Variants in DPP10 observed in about 807,000 individuals in gnomAD.
DPP10 encodes dipeptidyl peptidase like 10.
A neutral mutation model predicts 120.9 loss-of-function variants in DPP10; 33 were observed. The observed-to-expected ratio is 0.27, with a 90% confidence interval of 0.21 to 0.37. The LOEUF is 0.37. Among genes scored for constraint, DPP10 ranks in the 10% least tolerant of loss-of-function variants. DPP10 has a pLI of 1.00. For missense variants in DPP10, 816 were observed against 942.8 expected (o/e 0.87, Z 1.76); for synonymous variants, 337 against 326.1 (o/e 1.03, Z -0.36).
At chr2:114,711,798 T>C (rs945538626) in intron 1 of DPP10, among the ~76,000 whole-genome samples, 3 of 152,158 alleles carry the variant, frequency 2.0e-5, no homozygotes, top group Non-Finnish European at 4.4e-5. Context: ...GGTCATAAAA[T>C]GAAGCTAGCA....
chr2:115,695,740 A>G (rs111748874), intron 7 of DPP10, among the ~76,000 whole-genome samples: 1,880 of 152,292 alleles, frequency 0.012, 46 homozygotes, highest in African/African-American at 0.043. Context: ...TTAGATTCAA[A>G]TTGTCTGGTT....
At chr2:115,689,348 G>T (rs1162446051) in intron 5 of DPP10, among the ~76,000 whole-genome samples, 1 of 152,128 alleles carries the variant, frequency 6.6e-6, no homozygotes, top group Non-Finnish European at 1.5e-5. Flanking sequence ...AGAAAAACAT[G>T]TAAAAGCCAA....
At chr2:115,167,159 G>C (rs913176892) in intron 1 of DPP10, among the ~76,000 whole-genome samples, 1 of 151,856 alleles carries the variant, frequency 6.6e-6, no homozygotes, top group Non-Finnish European at 1.5e-5. Flanking sequence ...TTGTTCTAAC[G>C]GTTAAATGAA....
intron 1 of DPP10, among the ~76,000 whole-genome samples, chr2:115,295,002 CTTAAT>C (rs1423151431): frequency 7.9e-5 from 12 of 152,172 alleles, no homozygotes; most frequent in African/African-American, 2.9e-4. Flanking sequence ...AAGGAAAACT[CTTAAT>C]TTATATTTAA....
rs187173418 is a variant in DPP10 at position 114,805,227 on chromosome 2, A to T, written c.60+362389A>T. On this transcript the variant is annotated intron_variant, in intron 1 of 25. Transcript: ENST00000410059. ...AACCTCATTTTCTTCCCAGTCTCAG[A>T]TATGTCTTTATTGGCAGCATTAAAA... Among the ~76,000 whole-genome samples the T allele has an allele frequency of 1.1e-3, 168 of 152,270 alleles. 2 individuals are homozygous for T. Among genetic ancestry groups the T allele is most frequent in the African/African-American group, 3.9e-3 (164 of 41,552 alleles).
intron 1 of DPP10, among the ~76,000 whole-genome samples, chr2:115,194,557 A>G (rs12616715): frequency 0.092 from 13,957 of 152,172 alleles, 714 homozygotes; most frequent in East Asian, 0.17. Context: ...AAGCTAGGAC[A>G]GGGGCAGTTA....
At chr2:115,668,001 A>T (rs1349782147) in intron 5 of DPP10, among the ~76,000 whole-genome samples, 1 of 152,038 alleles carries the variant, frequency 6.6e-6, no homozygotes, top group Non-Finnish European at 1.5e-5. Flanking sequence ...GTCATATATA[A>T]GCTTAGTTCT....
intron 1 of DPP10, among the ~76,000 whole-genome samples, chr2:115,191,682 C>A (rs372101227): frequency 9.9e-5 from 15 of 152,084 alleles, no homozygotes; most frequent in African/African-American, 3.4e-4. Flanking sequence ...TGGGTCCATC[C>A]TTTTTCTGGT....
At chr2:115,783,793 T>G (rs982878563) in intron 17 of DPP10, among the ~76,000 whole-genome samples, 2 of 152,124 alleles carry the variant, frequency 1.3e-5, no homozygotes, top group African/African-American at 4.8e-5. Flanking sequence ...GAACTATCAG[T>G]GTATAAAATA....
intron 5 of DPP10, among the ~76,000 whole-genome samples, chr2:115,604,744 T>C (rs1042197768): frequency 6.6e-6 from 1 of 152,126 alleles, no homozygotes; most frequent in Admixed American, 6.6e-5. Flanking sequence ...CAGTATAGCC[T>C]TGCATACTTT....
At chr2:115,278,206 C>A (rs927131755) in intron 1 of DPP10, among the ~76,000 whole-genome samples, 1 of 152,176 alleles carries the variant, frequency 6.6e-6, no homozygotes, top group Non-Finnish European at 1.5e-5. Flanking sequence ...TCAGTGCAAT[C>A]ATGCATATGC....
chr2:115,246,555 C>A (rs957141214), intron 1 of DPP10, among the ~76,000 whole-genome samples: 7 of 151,944 alleles, frequency 4.6e-5, no homozygotes, highest in Non-Finnish European at 1.0e-4. Flanking sequence ...GAGAAATGTC[C>A]ACTAGTTGAG....
intron 5 of DPP10, among the ~76,000 whole-genome samples, chr2:115,537,200 A>G (rs1385582976): frequency 6.6e-6 from 1 of 152,072 alleles, no homozygotes; most frequent in Non-Finnish European, 1.5e-5. Context: ...TGGTACCTAT[A>G]TATACTTGTA....
chr2:115,380,179 G>A (rs1189478322), intron 3 of DPP10, among the ~76,000 whole-genome samples: 5 of 152,082 alleles, frequency 3.3e-5, no homozygotes, highest in Non-Finnish European at 7.4e-5. Context: ...ATTAATGTGT[G>A]GGAGTCTAAG....
At chr2:115,414,541 T>C (rs2104610919) in intron 3 of DPP10, among the ~76,000 whole-genome samples, 1 of 152,280 alleles carries the variant, frequency 6.6e-6, no homozygotes, top group Middle Eastern at 3.4e-3. Flanking sequence ...ATTTCTACAG[T>C]GTATATTTTT....
chr2:115,059,815 G>C (rs1388643462), intron 1 of DPP10, among the ~76,000 whole-genome samples: 2 of 151,214 alleles, frequency 1.3e-5, no homozygotes, highest in African/African-American at 4.9e-5. Context: ...AGTTCTACTG[G>C]AGACGTTTTC....
chr2:115,842,206 C>T lies in DPP10; in HGVS notation c.2257-5C>T, dbSNP rs747706225. On this transcript the variant is annotated splice_polypyrimidine_tract_variant and splice_region_variant and intron_variant, in intron 25 of 25. Coordinates refer to ENST00000410059, the MANE Select transcript of DPP10 (RefSeq NM_020868.6). ...TTGAAATCTTCTTTCTCCTCAATAT[C>T]TTAGGTCTACCCAGATGAAGGTCAT... 1.1e-5 allele frequency: 17 copies of T among 1,589,228 alleles called. No individual in the cohort carries two copies. Among genetic ancestry groups the T allele is most frequent in the Non-Finnish European group, 1.4e-5 (16 of 1,163,034 alleles).
At chr2:114,749,548 C>CTTTTATTTTA (rs374862583) in intron 1 of DPP10, among the ~76,000 whole-genome samples, 15,533 of 125,488 alleles carry the variant, frequency 0.12, 1,249 homozygotes, top group African/African-American at 0.16. Context: ...TCTAGCACTG[C>CTTTTATTTTA]TTTTATTTTA....
At chr2:115,258,187 A>G (rs1192412225) in intron 1 of DPP10, among the ~76,000 whole-genome samples, 2 of 152,334 alleles carry the variant, frequency 1.3e-5, no homozygotes, top group Non-Finnish European at 2.9e-5. Context: ...GTTATACTTT[A>G]TATGCCTGAA....
Sources: gnomAD v4.1 joint callset for allele counts (sites outside exome capture counted in the v4.1 genomes callset) on GRCh38, gnomAD v4.1.1 for gene constraint, MANE v1.5 for transcripts, NCBI Gene and HGNC (gene_info 2026-07-23, HGNC 2026-07-21) for gene names.